Variants in AGL observed in about 807,000 individuals in gnomAD.
AGL encodes amylo-alpha-1,6-glucosidase and 4-alpha-glucanotransferase.
A neutral mutation model predicts 199.3 loss-of-function variants in AGL; 128 were observed. The observed-to-expected ratio is 0.64, with a 90% CI of 0.56 to 0.74. The LOEUF is 0.74. Among genes scored for constraint, AGL ranks in the 30% least tolerant of loss-of-function variants. AGL has a pLI of 0.00. For missense variants in AGL, 1,809 were observed against 1,820.8 expected, an observed-to-expected ratio of 0.99 and a Z score of 0.12; for synonymous variants, 584 against 594.7, an observed-to-expected ratio of 0.98 and a Z score of 0.26.
intron 14 of AGL, 103 bp downstream of exon 14, chr1:99,880,898 C>T (rs1651961120): frequency 2.1e-6 from 3 of 1,408,654 alleles, no homozygotes; most frequent in Admixed American, 1.7e-5. Context: ...AAAATAGTGT[C>T]TTAGATTTAT....
At chr1:99,908,504 T>C (rs1483869688) in intron 27 of AGL, among the ~76,000 whole-genome samples, 1 of 152,152 alleles carries the variant, frequency 6.6e-6, no homozygotes, top group Non-Finnish European at 1.5e-5. Flanking sequence ...TCCCTGGAGA[T>C]TCCATATTTA....
intron 2 of AGL, chr1:99,861,127 A>G (rs2101083295): frequency 9.5e-7 from 1 of 1,051,974 alleles, no homozygotes; most frequent in South Asian, 2.4e-5. Flanking sequence ...AGTTAGAAAA[A>G]TACTAGAGAA....
chr1:99,880,854 C>G, intron 14 of AGL, 59 bp downstream of exon 14: 1 of 1,573,088 alleles, frequency 6.4e-7, no homozygotes, highest in Non-Finnish European at 8.7e-7. Flanking sequence ...ATTTAACTCT[C>G]TGACACTTGG....
intron 11 of AGL, among the ~76,000 whole-genome samples, chr1:99,877,106 A>AT (rs1651610573): frequency 6.6e-6 from 1 of 152,092 alleles, no homozygotes; most frequent in Admixed American, 6.5e-5. Context: ...TGATATATTT[A>AT]TTTTTTAACA....
rs1432839313 is a variant in AGL at position 99,910,720 on chromosome 1, A to G, written c.3709A>G (p.Ile1237Val). Residue 1237 changes from isoleucine (I) to valine (V), a missense_variant, in exon 28 of 34, where the codon ATA becomes GTA. Physicochemically the swap from Ile to Val is conservative, Grantham distance 29. Transcript: ENST00000361915. ...DRNMKDEGFN[I>V]TAGVDEETGF... is the part of the protein sequence containing the mutation. Reference sequence around the variant, plus strand: ...CACATTTTGTTTTTTAGGTTTTAATATAACTGCAGGAGTTGATGAAGAAAC... The same window carrying G: ...CACATTTTGTTTTTTAGGTTTTAATGTAACTGCAGGAGTTGATGAAGAAAC... 2 of 1,599,884 alleles carry G rather than the reference A, an allele frequency of 1.3e-6. No individual in the cohort carries two copies. Among genetic ancestry groups the G allele is most frequent in the African/African-American group, 1.3e-5 (1 of 74,508 alleles).
rs1652329702 is a variant in AGL, at chr1:99,884,826, A to G, written c.2681+123A>G. Reference sequence around the variant, plus strand: ...CTCAAAGTACGGTCCAAGGACCAGCAGTGTCAGCATCACCTGTTGTTAACA... The same window carrying G: ...CTCAAAGTACGGTCCAAGGACCAGCGGTGTCAGCATCACCTGTTGTTAACA... On this transcript the variant is annotated intron_variant, in intron 20 of 33. Coordinates refer to ENST00000361915, the MANE Select transcript of AGL (RefSeq NM_000642.3). 5 of 1,208,046 alleles carry G rather than the reference A, an allele frequency of 4.1e-6. No individual in the cohort carries two copies. The South Asian group carries it at 6.2e-5, about 15-fold the overall frequency. 74.8% of individuals were successfully genotyped at this position (1,208,046 alleles called of 1,614,324 possible).
At chr1:99,915,348 T>C in intron 30 of AGL, 41 bp from the exon 31 acceptor site, 1 of 1,487,334 alleles carries the variant, frequency 6.7e-7, no homozygotes, top group Non-Finnish European at 9.4e-7. Context: ...AATTCTTCTG[T>C]GATCTTAAAA....
rs1203709220 is a variant in AGL at position 99,879,924 on chromosome 1, A to G, written c.1613A>G (p.Tyr538Cys). 1 of 1,610,796 alleles carries G rather than the reference A, an allele frequency of 6.2e-7. No individual in the cohort carries two copies. Among genetic ancestry groups the G allele is most frequent in the Non-Finnish European group, 8.5e-7 (1 of 1,177,210 alleles). ...CATTTGTCACTGTGCTTTTTACAGT[A>G]CATGTTGGATGCTGCTAGGAATTTG... ...CHSTPLHVAEYMLDAARNLQP... is the reference protein window; with the variant it reads ...CHSTPLHVAECMLDAARNLQP... Residue 538 changes from tyrosine to cysteine, a missense_variant and splice_region_variant, in exon 13 of 34, where the codon TAC becomes TGC. Coordinates refer to ENST00000361915, the MANE Select transcript of AGL (RefSeq NM_000642.3).
chr1:99,876,317 T>C, intron 10 of AGL, 141 bp from the exon 11 acceptor site: 1 of 653,452 alleles, frequency 1.5e-6, no homozygotes, highest in Non-Finnish European at 2.5e-6. Flanking sequence ...TTGACCTATA[T>C]TGAAGTTTTT....
At chr1:99,869,848 T>C (rs536540958) in intron 5 of AGL, among the ~76,000 whole-genome samples, 9 of 152,302 alleles carry the variant, frequency 5.9e-5, no homozygotes, top group African/African-American at 2.2e-4. Flanking sequence ...TAGGTAGATA[T>C]AAGGTTTCAC....
intron 24 of AGL, among the ~76,000 whole-genome samples, chr1:99,894,700 TAC>T (rs1435490251): frequency 6.6e-6 from 1 of 152,224 alleles, no homozygotes; most frequent in East Asian, 1.9e-4. Flanking sequence ...AATTGTGAAG[TAC>T]ACTCAGGAAT....
At chr1:99,890,343 C>T (rs10783121) in intron 21 of AGL, among the ~76,000 whole-genome samples, 74,309 of 147,928 alleles carry the variant, frequency 0.5, 18,734 homozygotes, top group East Asian at 0.68. Context: ...ATGAAAATGC[C>T]AGGGCATATG....
chr1:99,872,858 A>C (rs1007714453), intron 7 of AGL, among the ~76,000 whole-genome samples: 6 of 152,150 alleles, frequency 3.9e-5, no homozygotes, highest in Non-Finnish European at 5.9e-5. Context: ...TTATTAATGA[A>C]GTATATTTTT....
intron 2 of AGL, 133 bp downstream of exon 2, chr1:99,851,257 A>G (rs1274737341): frequency 4.9e-6 from 4 of 811,358 alleles, no homozygotes; most frequent in Non-Finnish European, 8.5e-6. Context: ...TTGTGCAAAG[A>G]TGGTGCTGTG....
chr1:99,864,761 C>A (rs910280890), intron 5 of AGL, among the ~76,000 whole-genome samples, 172 bp downstream of exon 5: 2 of 152,142 alleles, frequency 1.3e-5, no homozygotes, highest in African/African-American at 4.8e-5. Flanking sequence ...TAATATTTTT[C>A]CTTTCAAAGA....
rs1025356621 is a variant in AGL, at chr1:99,860,568, T to C, written c.83-935T>C. 8.5e-5 allele frequency among the ~76,000 whole-genome samples: 13 copies of C among 152,342 alleles called. No individual in the cohort carries two copies. The East Asian group carries it at 2.3e-3, about 27-fold the overall frequency. ...CTGTAATGTGCTTATTTGTTTTCGC[T>C]TATGGCAAAATATTTGTAACACATT... On this transcript the variant is annotated intron_variant, in intron 2 of 33. Transcript: ENST00000361915.
At chr1:99,857,847 A>AGAGGGAGACCGTGGGGAGGGGGTGGGGGT (rs1557743553) in intron 2 of AGL, among the ~76,000 whole-genome samples, 1 of 8,224 alleles carries the variant, frequency 1.2e-4, no homozygotes, top group Non-Finnish European at 2.4e-4. Flanking sequence ...GGGGAGGGGG[A>AGAGGGAGACCGTGGGGAGGGGGTGGGGGT]GGGGGGAAGA....
intron 20 of AGL, among the ~76,000 whole-genome samples, chr1:99,887,204 G>A (rs1652516894): frequency 6.6e-6 from 1 of 152,174 alleles, no homozygotes; most frequent in Non-Finnish European, 1.5e-5. Context: ...TAAAATAGCA[G>A]TCATGTAAAA....
chr1:99,861,015 G>A (rs536714301), intron 2 of AGL, among the ~76,000 whole-genome samples: 44 of 152,194 alleles, frequency 2.9e-4, no homozygotes, highest in Non-Finnish European at 3.1e-4. Flanking sequence ...GTGAAGACTA[G>A]CTTTCTCAGT....
Sources: gnomAD v4.1 joint callset for allele counts (sites outside exome capture counted in the v4.1 genomes callset) on GRCh38, gnomAD v4.1.1 for gene constraint, MANE v1.5 for transcripts, NCBI Gene and HGNC (gene_info 2026-07-23, HGNC 2026-07-21) for gene names.